Variants in YEATS2 observed in about 807,000 individuals in gnomAD.
YEATS2 encodes YEATS domain containing 2, also known as YEATS domain-containing protein 2.
A neutral mutation model predicts 163.2 loss-of-function variants in YEATS2; 77 were observed. That is an observed-to-expected ratio of 0.47 (90% confidence interval 0.39 to 0.57). The LOEUF is 0.57. Ranked by LOEUF, YEATS2 falls within the 20% of genes least tolerant of loss-of-function variation. The pLI is 0.00. For synonymous variants in YEATS2, 631 were observed against 645.1 expected (o/e 0.98, Z 0.33); for missense variants, 1,549 against 1,729.8 (o/e 0.90, Z 1.85).
At chr3:183,785,144 C>A (rs759734935) in intron 19 of YEATS2, among the ~76,000 whole-genome samples, 1 of 151,826 alleles carries the variant, frequency 6.6e-6, no homozygotes, top group African/African-American at 2.4e-5. Context: ...CCAGCCTGGG[C>A]AACATAATGG....
intron 1 of YEATS2, among the ~76,000 whole-genome samples, chr3:183,713,985 A>G (rs1458616911): frequency 1.3e-5 from 2 of 151,146 alleles, no homozygotes; most frequent in African/African-American, 4.9e-5. Context: ...TTGTAGTTTT[A>G]GTAGAGATGG....
intron 11 of YEATS2, among the ~76,000 whole-genome samples, chr3:183,755,161 G>A (rs912717781): frequency 3.3e-5 from 5 of 151,622 alleles, no homozygotes; most frequent in East Asian, 1.9e-4. Context: ...TGTCACCTAC[G>A]CTGGAGTGCA....
chr3:183,750,992 C>G (rs978745732), intron 9 of YEATS2, among the ~76,000 whole-genome samples: 2 of 152,120 alleles, frequency 1.3e-5, no homozygotes, highest in Non-Finnish European at 2.9e-5. Context: ...GTTGCCTGTG[C>G]TTTTGGTGTC....
chr3:183,706,684 C>T (rs773351958), intron 1 of YEATS2, among the ~76,000 whole-genome samples: 2 of 152,118 alleles, frequency 1.3e-5, no homozygotes, highest in Non-Finnish European at 2.9e-5. Flanking sequence ...GGCGCGGTGG[C>T]GCATACTTGT....
intron 7 of YEATS2, among the ~76,000 whole-genome samples, chr3:183,734,258 C>T (rs765388310): frequency 2.2e-4 from 33 of 152,190 alleles, no homozygotes; most frequent in Non-Finnish European, 8.8e-5. Flanking sequence ...TGAGGTCTGT[C>T]ACCTTGGGGA....
At chr3:183,762,025 GT>G in intron 14 of YEATS2, 71 bp from the exon 15 acceptor site, 1 of 1,591,630 alleles carries the variant, frequency 6.3e-7, no homozygotes, top group Admixed American at 1.7e-5. Context: ...ACGGAGAAGA[GT>G]CAGATATTAG....
intron 8 of YEATS2, among the ~76,000 whole-genome samples, chr3:183,740,605 A>G (rs76109462): frequency 0.011 from 1,685 of 152,330 alleles, 30 homozygotes; most frequent in African/African-American, 0.039. Context: ...CAATTCTGTC[A>G]AGACTGAGAG....
chr3:183,712,214 T>TTTATGTTATTTTATGTTATTTTATG, intron 1 of YEATS2, among the ~76,000 whole-genome samples: 1 of 103,084 alleles, frequency 9.7e-6, no homozygotes, highest in African/African-American at 3.8e-5. Flanking sequence ...TTTATTTTAT[T>TTTATGTTATTTTATGTTATTTTATG]TTATTTTATT....
chr3:183,767,045 C>G (rs1404761322), intron 15 of YEATS2, among the ~76,000 whole-genome samples: 1 of 152,142 alleles, frequency 6.6e-6, no homozygotes, highest in Non-Finnish European at 1.5e-5. Flanking sequence ...GGTCTTACAC[C>G]TTCTTAGTGG....
chr3:183,776,382 A>G (rs897176947), intron 18 of YEATS2, among the ~76,000 whole-genome samples: 2 of 151,992 alleles, frequency 1.3e-5, no homozygotes, highest in African/African-American at 2.4e-5. Flanking sequence ...TGTCTCTACT[A>G]AAAATACCAA....
At chr3:183,800,440 G>T (rs756266363) in intron 23 of YEATS2, 26 bp from the exon 24 acceptor site, 1 of 1,578,992 alleles carries the variant, frequency 6.3e-7, no homozygotes, top group South Asian at 1.1e-5. Flanking sequence ...CCTAACAGCT[G>T]CCTCTTTGTT....
intron 15 of YEATS2, among the ~76,000 whole-genome samples, chr3:183,770,098 A>T (rs1722300298): frequency 6.6e-6 from 1 of 152,048 alleles, no homozygotes; most frequent in African/African-American, 2.4e-5. Context: ...ATTTTAATTT[A>T]AAACTTCTGG....
intron 15 of YEATS2, among the ~76,000 whole-genome samples, chr3:183,770,638 A>G (rs553638857): frequency 3.3e-5 from 5 of 152,326 alleles, no homozygotes; most frequent in East Asian, 1.9e-4. Context: ...CCCAGAGGCA[A>G]CAAGCACTGT....
intron 6 of YEATS2, among the ~76,000 whole-genome samples, chr3:183,726,279 C>A (rs376549904): frequency 2.0e-5 from 3 of 152,188 alleles, no homozygotes; most frequent in Non-Finnish European, 4.4e-5. Context: ...TTTGACTACT[C>A]TGAACCAGTT....
chr3:183,722,676 G>T (rs954304185), intron 5 of YEATS2, among the ~76,000 whole-genome samples: 1 of 147,572 alleles, frequency 6.8e-6, no homozygotes. Flanking sequence ...TTTCTGAGAC[G>T]GAGTCTCGCT....
At chr3:183,792,358 A>G (rs1480576336) in intron 21 of YEATS2, among the ~76,000 whole-genome samples, 1 of 151,892 alleles carries the variant, frequency 6.6e-6, no homozygotes, top group South Asian at 2.1e-4. Flanking sequence ...ATGTGTTCTC[A>G]TTGTTCAGTT....
At chr3:183,751,369 C>T (rs1446162061) in intron 9 of YEATS2, among the ~76,000 whole-genome samples, 1 of 152,192 alleles carries the variant, frequency 6.6e-6, no homozygotes, top group Admixed American at 6.5e-5. Flanking sequence ...TCTGAGACCT[C>T]CAACTTTGTT....
At chr3:183,803,592 G>A (rs1049688360) in intron 26 of YEATS2, 3 of 539,358 alleles carry the variant, frequency 5.6e-6, no homozygotes, top group African/African-American at 3.8e-5. Context: ...CGAGTATTGA[G>A]TCCTTACAGT....
Position 183,803,995 on chromosome 3 carries a change from A to G in YEATS2, c.3591A>G (p.Arg1197=), listed in dbSNP as rs1434568726. Residue 1197 remains arginine (R), a synonymous_variant, in exon 27 of 31, where the codon AGA becomes AGG. Transcript: ENST00000305135. ...AAAATTTTTTTTTTAAGTGGCAAAG[A>G]GCAATGACAATGCGAAAAGTCTTAC... is the stretch of plus-strand genomic sequence containing the variant. The part of the protein sequence containing the change: ...IGKRRAAEWQ[R]AMTMRKVLQE... The G allele has an allele frequency of 3.1e-6, 5 of 1,613,984 alleles. No homozygotes were observed. The African/African-American group carries it at 5.3e-5, about 17-fold the overall frequency.
Sources: allele counts gnomAD v4.1 joint callset (sites outside exome capture counted in the v4.1 genomes callset), GRCh38; gene constraint gnomAD v4.1.1; transcripts MANE v1.5; gene names NCBI Gene and HGNC (gene_info 2026-07-23, HGNC 2026-07-21).